Variants in XDH observed in about 807,000 individuals in gnomAD.
XDH encodes xanthine dehydrogenase.
XDH carries 138 observed loss-of-function variants against 156.1 expected under a neutral mutation model. The ratio of observed to expected loss-of-function variants is 0.88; its 90% confidence interval spans 0.77 to 1.02. The LOEUF is 1.02. Ranked by LOEUF, XDH falls within the 50% of genes least tolerant of loss-of-function variation. The pLI is 0.00. For missense variants in XDH, 1,849 were observed against 1,684.9 expected (o/e 1.10, Z -1.71); for synonymous variants, 669 against 625.7 (o/e 1.07, Z -1.03).
intron 16 of XDH, among the ~76,000 whole-genome samples, chr2:31,373,588 T>C (rs1469906378): frequency 6.6e-6 from 1 of 151,970 alleles, no homozygotes; most frequent in African/African-American, 2.4e-5. Flanking sequence ...CAAGAAGACG[T>C]CTGGCTTTGT....
chr2:31,380,256 C>T (rs1456580790), intron 12 of XDH, among the ~76,000 whole-genome samples: 1 of 152,182 alleles, frequency 6.6e-6, no homozygotes, highest in Non-Finnish European at 1.5e-5. Context: ...ACTTCCAGGC[C>T]ACCAAAGTTG....
At chr2:31,388,424 T>C in intron 6 of XDH, 129 bp from the exon 7 acceptor site, 4 of 1,019,040 alleles carry the variant, frequency 3.9e-6, no homozygotes, top group South Asian at 1.3e-5. Context: ...AGCAGGGGCA[T>C]CCTGCCTGCC....
At chr2:31,374,156 T>C (rs536095846) in intron 15 of XDH, among the ~76,000 whole-genome samples, 200 bp from the exon 16 acceptor site, 29 of 152,314 alleles carry the variant, frequency 1.9e-4, no homozygotes, top group African/African-American at 6.5e-4. Context: ...TCAGCTTCAC[T>C]GCTAGCCCCC....
intron 26 of XDH, 139 bp from the exon 27 acceptor site, chr2:31,349,119 C>T: frequency 1.3e-6 from 1 of 796,446 alleles, no homozygotes; most frequent in Non-Finnish European, 2.1e-6. Context: ...ACAGCCCACA[C>T]CAGGGGGTCT....
intron 16 of XDH, 24 bp from the exon 17 acceptor site, chr2:31,372,421 AG>A (rs755687771): frequency 4.3e-6 from 7 of 1,613,750 alleles, no homozygotes; most frequent in Non-Finnish European, 5.9e-6. Flanking sequence ...GTCATCAATC[AG>A]GGTGAGCTGC....
intron 8 of XDH, among the ~76,000 whole-genome samples, chr2:31,386,950 G>A (rs1280041472): frequency 5.0e-5 from 6 of 120,056 alleles, no homozygotes; most frequent in Admixed American, 2.7e-4. Context: ...GAGAGAGGGA[G>A]GGAGGGAGGG....
At chr2:31,388,733 C>G (rs1686681424) in intron 6 of XDH, among the ~76,000 whole-genome samples, 1 of 152,168 alleles carries the variant, frequency 6.6e-6, no homozygotes, top group African/African-American at 2.4e-5. Flanking sequence ...AGGCTGGGCT[C>G]TCTGCAGGAC....
At position 31,366,335 on chromosome 2, in the gene XDH, T is replaced by C. The variant is rs45472693; in HGVS notation, c.2323-226A>G. Among the ~76,000 whole-genome samples, 2,994 of 152,300 alleles carry C rather than the reference T, an allele frequency of 0.02. 55 individuals carry two copies. Among genetic ancestry groups the C allele is most frequent in the East Asian group, 0.073 (380 of 5,172 alleles). On this transcript the variant is annotated intron_variant, in intron 21 of 35. Coordinates refer to ENST00000379416, the MANE Select transcript of XDH (RefSeq NM_000379.4). ...GCAAGCAGTTGGTCACAGAATACTTTTAGAAACTTATTCTGTCTGACCAGG... is the reference window on the plus strand; with the variant it reads ...GCAAGCAGTTGGTCACAGAATACTTCTAGAAACTTATTCTGTCTGACCAGG...
rs1464766261 is a variant in XDH, at chr2:31,335,685, A to T, written c.*273T>A. 1.8e-6 allele frequency: 1 copy of T among 556,704 alleles called. No homozygotes were observed. Among genetic ancestry groups the T allele is most frequent in the Non-Finnish European group, 3.2e-6 (1 of 309,252 alleles). 34.5% of individuals were successfully genotyped at this position (556,704 alleles called of 1,614,324 possible). ...AATAGCACAAACCCTTCCCGACCCTATTCCAGATACATGATTAAAACAGAC... is the reference window on the plus strand; with the variant it reads ...AATAGCACAAACCCTTCCCGACCCTTTTCCAGATACATGATTAAAACAGAC... On this transcript the variant is annotated 3_prime_UTR_variant, in exon 36 of 36. Coordinates refer to ENST00000379416, the MANE Select transcript of XDH (RefSeq NM_000379.4).
At chr2:31,349,498 C>T (rs1006014240) in intron 26 of XDH, among the ~76,000 whole-genome samples, 188 bp downstream of exon 26, 7 of 152,212 alleles carry the variant, frequency 4.6e-5, no homozygotes, top group African/African-American at 1.4e-4. Flanking sequence ...CGATTGCAGG[C>T]TGTGAGCCCA....
rs113345553 is a variant in XDH at position 31,383,819 on chromosome 2, C to T, written c.822G>A (p.Leu274=). Residue 274 remains leucine, a synonymous_variant, in exon 10 of 36, where the codon CTG becomes CTA. Transcript: ENST00000379416. ...IGIEMKFKNM[L]FPMIVCPAWI... Reference sequence around the variant, plus strand: ...AGGCTGGGCAGACAATCATAGGAAACAGCATATTCTTGAACTTCATCTCAA... The same window carrying T: ...AGGCTGGGCAGACAATCATAGGAAATAGCATATTCTTGAACTTCATCTCAA... 1.3e-3 allele frequency: 2,090 copies of T among 1,614,126 alleles called. 2 individuals are homozygous for T. Among genetic ancestry groups the T allele is most frequent in the Non-Finnish European group, 1.4e-3 (1,690 of 1,180,024 alleles).
chr2:31,386,468 C>A lies in XDH; in HGVS notation c.739G>T (p.Asp247Tyr). The part of the protein sequence containing the change: ...IQASTLKELL[D>Y]LKAQHPDAKL... ...GCGTCAGGGTGCTGAGCCTTGAGGT[C>A]CAGCAGCTCCTTGAGGGTTGAGGCC... Residue 247 changes from aspartate to tyrosine, a missense_variant, in exon 9 of 36, where the codon GAC becomes TAC. Transcript: ENST00000379416. The A allele has an allele frequency of 6.2e-7, 1 of 1,614,052 alleles. No individual in the cohort carries two copies. The highest frequency in any genetic ancestry group is 8.5e-7 in the Non-Finnish European group (1 of 1,180,032).
chr2:31,382,836 G>A (rs1385319077), intron 11 of XDH, among the ~76,000 whole-genome samples, 165 bp downstream of exon 11: 3 of 152,174 alleles, frequency 2.0e-5, no homozygotes, highest in Non-Finnish European at 4.4e-5. Flanking sequence ...GAATCTCTGA[G>A]GGTGGGGCCC....
At chr2:31,406,132 G>A (rs1437749562) in intron 1 of XDH, among the ~76,000 whole-genome samples, 168 bp from the exon 2 acceptor site, 1 of 152,184 alleles carries the variant, frequency 6.6e-6, no homozygotes, top group African/African-American at 2.4e-5. Context: ...AATCCCCAGT[G>A]TTGAAGGTGG....
intron 23 of XDH, among the ~76,000 whole-genome samples, chr2:31,364,918 G>A (rs772015662): frequency 6.6e-6 from 1 of 152,202 alleles, no homozygotes. Context: ...AGCCCCATAA[G>A]GCTTTGCTGA....
intron 9 of XDH, 121 bp from the exon 10 acceptor site, chr2:31,383,968 T>G: frequency 1.1e-6 from 1 of 903,690 alleles, no homozygotes; most frequent in Non-Finnish European, 1.8e-6. Flanking sequence ...TAATATGCTC[T>G]CTGGTGACTG....
At chr2:31,353,482 TC>T (rs1488723863) in intron 24 of XDH, among the ~76,000 whole-genome samples, 1 of 152,094 alleles carries the variant, frequency 6.6e-6, no homozygotes, top group Non-Finnish European at 1.5e-5. Context: ...GTAAGAATAC[TC>T]TGAAAAGTGG....
intron 33 of XDH, among the ~76,000 whole-genome samples, chr2:31,339,902 T>A (rs899255003): frequency 6.6e-6 from 1 of 152,202 alleles, no homozygotes; most frequent in African/African-American, 2.4e-5. Flanking sequence ...GGAAGGTCAG[T>A]GATTCTAGGT....
rs45593434 is a variant in XDH, at chr2:31,335,917, C to G, written c.*41G>C. 6.3e-3 allele frequency: 10,160 copies of G among 1,610,382 alleles called. 480 individuals are homozygous for G. In the African/African-American group the frequency reaches 0.11, roughly 17 times the overall value. ...GTATGTTCCTCCTGCTCCATGGAAG[C>G]CCAAAGGCAGCACAAGAAGACTCTG... On this transcript the variant is annotated 3_prime_UTR_variant, in exon 36 of 36. Transcript: ENST00000379416.
Sources: gnomAD v4.1 joint callset for allele counts (sites outside exome capture counted in the v4.1 genomes callset) on GRCh38, gnomAD v4.1.1 for gene constraint, MANE v1.5 for transcripts, NCBI Gene and HGNC (gene_info 2026-07-23, HGNC 2026-07-21) for gene names.